GALNT7: variants seen among roughly 807,000 people sequenced by gnomAD.
The protein encoded by GALNT7 is N-acetylgalactosaminyltransferase 7.
Under a neutral mutation model 82.1 loss-of-function variants are expected in GALNT7, and 60 were observed. That is an observed-to-expected ratio of 0.73 (90% CI 0.59 to 0.91). The LOEUF (loss-of-function observed/expected upper bound fraction) is 0.91, where lower values mean the gene tolerates loss of function less well. GALNT7 is among the 40% of genes least tolerant of loss of function. The probability of loss-of-function intolerance (pLI) is 0.00; values close to 1 mark genes in which losing one functional copy is unlikely to be tolerated. For missense variants in GALNT7, 660 were observed against 804.2 expected (o/e 0.82, Z 2.17); for synonymous variants, 243 against 275.1 (o/e 0.88, Z 1.15).
At chr4:173,278,639 ACAGTAATTTGGGG>A (rs1735999406) in intron 2 of GALNT7, among the ~76,000 whole-genome samples, 1 of 152,264 alleles carries the variant, frequency 6.6e-6, no homozygotes, top group African/African-American at 2.4e-5. Flanking sequence ...ATTGGACTTA[ACAGTAATTTGGGG>A]AGAAAAATTT....
At chr4:173,217,016 C>A (rs891319076) in intron 1 of GALNT7, among the ~76,000 whole-genome samples, 1 of 151,890 alleles carries the variant, frequency 6.6e-6, no homozygotes, top group African/African-American at 2.4e-5. Flanking sequence ...CAGGTGTGAG[C>A]CACCATGCCT....
chr4:173,252,952 C>A (rs1256594474), intron 2 of GALNT7, among the ~76,000 whole-genome samples: 1 of 152,188 alleles, frequency 6.6e-6, no homozygotes, highest in Non-Finnish European at 1.5e-5. Flanking sequence ...GTAATCCCAG[C>A]ACTTTCAGAG....
At chr4:173,275,842 T>C (rs1390075367) in intron 2 of GALNT7, among the ~76,000 whole-genome samples, 2 of 152,168 alleles carry the variant, frequency 1.3e-5, no homozygotes, top group Non-Finnish European at 2.9e-5. Context: ...TGGCAAACAC[T>C]GTTTTATTTA....
intron 1 of GALNT7, among the ~76,000 whole-genome samples, chr4:173,181,357 A>G (rs1262823536): frequency 6.6e-6 from 1 of 152,202 alleles, no homozygotes; most frequent in African/African-American, 2.4e-5. Flanking sequence ...AGGCTGGAGA[A>G]TGTTTCCCTT....
intron 1 of GALNT7, among the ~76,000 whole-genome samples, chr4:173,193,928 G>A (rs765714416): frequency 1.3e-5 from 2 of 152,034 alleles, no homozygotes; most frequent in Non-Finnish European, 2.9e-5. Context: ...AATATATTCG[G>A]TTGTTGACAA....
intron 2 of GALNT7, among the ~76,000 whole-genome samples, chr4:173,286,536 T>G (rs1033436035): frequency 6.6e-6 from 1 of 152,256 alleles, no homozygotes; most frequent in Non-Finnish European, 1.5e-5. Flanking sequence ...GGTAACCCAC[T>G]GGCTGTTGAG....
At chr4:173,202,768 A>G (rs1383378830) in intron 1 of GALNT7, among the ~76,000 whole-genome samples, 1 of 152,200 alleles carries the variant, frequency 6.6e-6, no homozygotes, top group Non-Finnish European at 1.5e-5. Context: ...CATGAGATAC[A>G]TACTATCATT....
chr4:173,275,418 A>C, intron 2 of GALNT7, among the ~76,000 whole-genome samples: 1 of 152,200 alleles, frequency 6.6e-6, no homozygotes, highest in East Asian at 1.9e-4. Flanking sequence ...TGCATCCCAC[A>C]GACTATGGGA....
At chr4:173,218,428 A>G (rs1733538292) in intron 1 of GALNT7, among the ~76,000 whole-genome samples, 1 of 151,274 alleles carries the variant, frequency 6.6e-6, no homozygotes, top group Non-Finnish European at 1.5e-5. Context: ...ATGGAGAACA[A>G]GATAGTATTG....
chr4:173,282,083 C>T (rs180849113), intron 2 of GALNT7, among the ~76,000 whole-genome samples: 14 of 152,258 alleles, frequency 9.2e-5, no homozygotes, highest in Admixed American at 9.2e-4. Flanking sequence ...ACTCCAGAAG[C>T]TTTTATAAGA....
intron 8 of GALNT7, among the ~76,000 whole-genome samples, chr4:173,310,057 T>C (rs1168412647): frequency 6.6e-6 from 1 of 152,230 alleles, no homozygotes; most frequent in Non-Finnish European, 1.5e-5. Flanking sequence ...GTACCCAGCA[T>C]GTGCCAGGCA....
chr4:173,247,143 T>G (rs1734667018), intron 1 of GALNT7, among the ~76,000 whole-genome samples: 1 of 151,898 alleles, frequency 6.6e-6, no homozygotes, highest in African/African-American at 2.4e-5. Flanking sequence ...AGAAACAGTG[T>G]CTTGTGCGAA....
At chr4:173,194,389 T>C (rs1432563894) in intron 1 of GALNT7, among the ~76,000 whole-genome samples, 1 of 152,244 alleles carries the variant, frequency 6.6e-6, no homozygotes, top group African/African-American at 2.4e-5. Flanking sequence ...TGCACCATAT[T>C]GCATTTAAAA....
Position 173,318,501 on chromosome 4 carries a change from C to A in GALNT7, c.1778C>A (p.Ser593Ter). 1 of 1,581,476 alleles carries A rather than the reference C, an allele frequency of 6.3e-7. No individual in the cohort carries two copies. Among genetic ancestry groups the A allele is most frequent in the South Asian group, 1.1e-5 (1 of 90,024 alleles). ...DQCLTKGADG[S>*]KVMITHCNLN... The stretch of plus-strand genomic sequence containing the variant: ...TGTTTGACAAAGGGAGCTGATGGAT[C>A]AAAAGTTATGATTACACACTGTAAT... Residue 593 changes from serine (S) to a stop codon, truncating the protein, a stop_gained, in exon 11 of 12, where the codon TCA becomes TAA. Transcript: ENST00000265000. LOFTEE classifies it high-confidence loss of function.
chr4:173,289,139 C>T (rs1046014033), intron 2 of GALNT7, among the ~76,000 whole-genome samples: 8 of 152,068 alleles, frequency 5.3e-5, no homozygotes, highest in Non-Finnish European at 8.8e-5. Context: ...TGCCCTAGGA[C>T]CTCCTTCCAA....
At chr4:173,241,863 C>G (rs1385263898) in intron 1 of GALNT7, among the ~76,000 whole-genome samples, 1 of 152,160 alleles carries the variant, frequency 6.6e-6, no homozygotes, top group Non-Finnish European at 1.5e-5. Context: ...ATAAAATCTT[C>G]CCAGTAGGTG....
chr4:173,275,516 A>G (rs182550871), intron 2 of GALNT7, among the ~76,000 whole-genome samples: 3 of 152,314 alleles, frequency 2.0e-5, no homozygotes, highest in East Asian at 3.9e-4. Flanking sequence ...TGGGTCAGAG[A>G]AGGCCACAAG....
chr4:173,194,871 G>C (rs1732731866), intron 1 of GALNT7, among the ~76,000 whole-genome samples: 1 of 151,996 alleles, frequency 6.6e-6, no homozygotes, highest in African/African-American at 2.4e-5. Context: ...AGCCATAGTA[G>C]CATTCAGACT....
At chr4:173,251,178 C>T (rs994767795) in intron 2 of GALNT7, among the ~76,000 whole-genome samples, 5 of 152,170 alleles carry the variant, frequency 3.3e-5, no homozygotes, top group African/African-American at 7.2e-5. Flanking sequence ...AATGAATGAA[C>T]GTGTGAATGA....
Sources: allele counts gnomAD v4.1 joint callset (sites outside exome capture counted in the v4.1 genomes callset), GRCh38; gene constraint gnomAD v4.1.1; transcripts MANE v1.5; gene names NCBI Gene and HGNC (gene_info 2026-07-23, HGNC 2026-07-21).